The following EFR3A variants were observed in gnomAD, a reference collection of about 807,000 sequenced individuals.
EFR3A encodes the protein EFR3 homolog A.
Under a neutral mutation model 104.4 loss-of-function variants are expected in EFR3A, and 76 were observed. That is an observed-to-expected ratio of 0.73 (90% CI 0.60 to 0.88). The LOEUF is 0.88. Among genes scored for constraint, EFR3A ranks in the 40% least tolerant of loss-of-function variants. The pLI, the probability that EFR3A is intolerant of heterozygous loss-of-function variation, is 0.00. For missense variants in EFR3A, 985 were observed against 1,012.5 expected (o/e 0.97, Z 0.37); for synonymous variants, 330 against 330.0 (o/e 1.00, Z 0.00).
rs369269112 is a variant in EFR3A, at chr8:131,961,164, C to T, written c.855+1501C>T. 1.8e-4 allele frequency among the ~76,000 whole-genome samples: 27 copies of T among 152,270 alleles called. No homozygotes were observed. The East Asian group carries it at 2.5e-3, about 14-fold the overall frequency. ...TAAAAATCAGAGCGCCTCTCCTCCT[C>T]CAAAGGAATGCAGCTCCTCACCAGC... On this transcript the variant is annotated intron_variant, in intron 8 of 22. Transcript: ENST00000254624.
In EFR3A at chr8:131,926,878, A is replaced by G. The variant is rs77459762; in HGVS notation, c.11-13621A>G. ...CATTTTTTATTATAGCATTTTGACT[A>G]TAACTGATTGCAACTTATAAAATGA... On this transcript the variant is annotated intron_variant, in intron 1 of 22. Coordinates refer to ENST00000254624, the MANE Select transcript of EFR3A (RefSeq NM_015137.6). 5.9e-4 allele frequency among the ~76,000 whole-genome samples: 90 copies of G among 152,312 alleles called. 1 individual carries two copies. In the East Asian group the frequency reaches 0.016, roughly 28 times the overall value.
At chr8:131,979,485 G>T (rs1178468678) in intron 14 of EFR3A, 64 bp downstream of exon 14, 4 of 1,157,770 alleles carry the variant, frequency 3.5e-6, no homozygotes, top group Non-Finnish European at 5.0e-6. Context: ...TTGTTAGGTG[G>T]TTTTATATTG....
chr8:131,962,675 A>T (rs1374105015), intron 8 of EFR3A, among the ~76,000 whole-genome samples: 1 of 151,888 alleles, frequency 6.6e-6, no homozygotes, highest in Non-Finnish European at 1.5e-5. Context: ...ACAAGGATAT[A>T]CAAGGATATC....
At chr8:131,946,156 A>G (rs62521272) in intron 3 of EFR3A, among the ~76,000 whole-genome samples, 1,770 of 152,190 alleles carry the variant, frequency 0.012, 18 homozygotes, top group Non-Finnish European at 0.02. Context: ...GTCAGATACA[A>G]GTAAATATGG....
chr8:131,978,885 A>C lies in EFR3A; in HGVS notation c.1365A>C (p.Ala455=). The C allele has an allele frequency of 6.2e-7, 1 of 1,610,348 alleles. No homozygotes were observed. Residue 455 remains alanine (A), a synonymous_variant, in exon 13 of 23, where the codon GCA becomes GCC. Coordinates refer to ENST00000254624, the MANE Select transcript of EFR3A (RefSeq NM_015137.6). ...SGYKAKTIVT[A]LPGSFLDPLL... is the part of the protein sequence containing the mutation. Reference sequence around the variant, plus strand: ...ATAAAGCGAAGACGATTGTTACTGCACTGCCAGGGTCTTTCCTGGATCCTT... The same window carrying C: ...ATAAAGCGAAGACGATTGTTACTGCCCTGCCAGGGTCTTTCCTGGATCCTT...
chr8:131,921,222 G>A (rs1028138684), intron 1 of EFR3A, among the ~76,000 whole-genome samples: 4 of 152,180 alleles, frequency 2.6e-5, no homozygotes, highest in Non-Finnish European at 4.4e-5. Flanking sequence ...TGTTGGCAGG[G>A]TGGGTTCTTT....
In EFR3A at chr8:131,985,039, AT is replaced by A; in HGVS notation, c.1852del (p.Cys618AlafsTer34). 6.2e-7 allele frequency: 1 copy of A among 1,613,458 alleles called. No homozygotes were observed. Among genetic ancestry groups the A allele is most frequent in the Non-Finnish European group, 8.5e-7 (1 of 1,179,542 alleles). On this transcript the variant is annotated frameshift_variant, in exon 16 of 23. Transcript: ENST00000254624. LOFTEE classifies it high-confidence loss of function. ...TAAGTCAGATGATAGCTGTCCCTGC[AT>A]TTTGCCAGCATGTTAGCAAGGTAAT... ...FVSQMIAVPA[F>X]CQHVSKVIEI...
intron 8 of EFR3A, among the ~76,000 whole-genome samples, chr8:131,964,079 A>G (rs1047306420): frequency 2.6e-4 from 40 of 152,202 alleles, no homozygotes; most frequent in Non-Finnish European, 4.7e-4. Flanking sequence ...TCTCAAGATA[A>G]TAAGAGCTGT....
chr8:132,005,145 T>C (rs1249387641), intron 22 of EFR3A, among the ~76,000 whole-genome samples: 1 of 152,218 alleles, frequency 6.6e-6, no homozygotes, highest in Admixed American at 6.5e-5. Flanking sequence ...TACATGTTTG[T>C]AAACAGACAT....
At chr8:131,940,357 C>G in intron 1 of EFR3A, 142 bp from the exon 2 acceptor site, 6 of 785,598 alleles carry the variant, frequency 7.6e-6, no homozygotes, top group Non-Finnish European at 1.2e-5. Flanking sequence ...TTCTTAATCA[C>G]TGATTACATT....
chr8:131,950,904 T>C (rs1021090229), intron 5 of EFR3A, among the ~76,000 whole-genome samples: 1 of 152,184 alleles, frequency 6.6e-6, no homozygotes, highest in East Asian at 1.9e-4. Flanking sequence ...GTTGATAGAA[T>C]GAGACATACA....
intron 19 of EFR3A, among the ~76,000 whole-genome samples, chr8:131,999,990 CAA>C (rs1821707920): frequency 6.6e-6 from 1 of 151,540 alleles, no homozygotes; most frequent in Non-Finnish European, 1.5e-5. Context: ...CTGGAGGTAA[CAA>C]AGAGGGACAG....
intron 22 of EFR3A, 115 bp downstream of exon 22, chr8:132,003,400 C>G (rs1821886114): frequency 2.0e-5 from 19 of 960,288 alleles, no homozygotes; most frequent in Non-Finnish European, 3.2e-6. Flanking sequence ...TAATGCTTTT[C>G]ATTTAGGATT....
At chr8:131,904,378 C>T in intron 1 of EFR3A, 56 bp downstream of exon 1, 1 of 1,238,970 alleles carries the variant, frequency 8.1e-7, no homozygotes. Context: ...GCGCGACGCG[C>T]TTGGGCCGGG....
At chr8:131,939,925 T>C (rs1000469039) in intron 1 of EFR3A, 1 of 152,380 alleles carries the variant, frequency 6.6e-6, no homozygotes, top group African/African-American at 2.4e-5. Flanking sequence ...GTAAACACAA[T>C]AGAAAGTTTA....
chr8:131,968,516 T>C, intron 9 of EFR3A, 86 bp downstream of exon 9: 7 of 1,274,632 alleles, frequency 5.5e-6, no homozygotes, highest in Non-Finnish European at 7.3e-6. Flanking sequence ...TGAAGAACTC[T>C]TTAAGAATAT....
rs951916544 is a variant in EFR3A at position 131,940,466 on chromosome 8, A to G, written c.11-33A>G. 3.9e-6 allele frequency: 6 copies of G among 1,535,054 alleles called. No individual in the cohort carries two copies. In the African/African-American group the frequency reaches 7.2e-5, roughly 18 times the overall value. On this transcript the variant is annotated intron_variant, in intron 1 of 22. Coordinates refer to ENST00000254624, the MANE Select transcript of EFR3A (RefSeq NM_015137.6). ...CAGGCCTGTTTACAATATTAATAAT[A>G]TCTGTATTTCTTGATTTTTTTTTTT...
chr8:131,929,930 T>A (rs190161324), intron 1 of EFR3A, among the ~76,000 whole-genome samples: 2 of 152,254 alleles, frequency 1.3e-5, no homozygotes, highest in East Asian at 3.9e-4. Context: ...GTCTTTCTGT[T>A]ACTTTTCCTC....
At chr8:131,919,424 C>T (rs745523142) in intron 1 of EFR3A, among the ~76,000 whole-genome samples, 3 of 151,902 alleles carry the variant, frequency 2.0e-5, no homozygotes, top group Non-Finnish European at 2.9e-5. Context: ...AGTGAAACCC[C>T]GTCTCTACTA....
Sources: gnomAD v4.1 joint callset for allele counts (sites outside exome capture counted in the v4.1 genomes callset) on GRCh38, gnomAD v4.1.1 for gene constraint, MANE v1.5 for transcripts, NCBI Gene and HGNC (gene_info 2026-07-23, HGNC 2026-07-21) for gene names.